The following NR3C2 variants were observed in gnomAD, a reference collection of about 807,000 sequenced individuals.
The protein encoded by NR3C2 is nuclear receptor subfamily 3 group C member 2.
NR3C2 carries 15 observed loss-of-function variants against 86.4 expected under a neutral mutation model. The observed-to-expected ratio is 0.17, with a 90% CI of 0.12 to 0.27. The LOEUF (loss-of-function observed/expected upper bound fraction) is 0.27, where lower values mean the gene tolerates loss of function less well. Among genes scored for constraint, NR3C2 ranks in the 10% least tolerant of loss-of-function variants. NR3C2 has a pLI of 1.00. For missense variants in NR3C2, 960 were observed against 1,195.6 expected (o/e 0.80, Z 2.91); for synonymous variants, 458 against 450.5 (o/e 1.02, Z -0.21).
Position 148,145,654 on chromosome 4 carries a change from C to T in NR3C2, c.2510+6815G>A, listed in dbSNP as rs922355968. On this transcript the variant is annotated intron_variant, in intron 6 of 8. Coordinates refer to ENST00000358102, the MANE Select transcript of NR3C2 (RefSeq NM_000901.5). ...AACAGTGGGGCCACAGTGAGACCGGCAGCACTTGTGCCACCTGCAGGGGGG... is the reference window on the plus strand; with the variant it reads ...AACAGTGGGGCCACAGTGAGACCGGTAGCACTTGTGCCACCTGCAGGGGGG... Among the ~76,000 whole-genome samples, 3 of 152,210 alleles carry T rather than the reference C, an allele frequency of 2.0e-5. No homozygotes were observed. In the South Asian group the frequency reaches 6.2e-4, roughly 32 times the overall value.
intron 2 of NR3C2, among the ~76,000 whole-genome samples, chr4:148,377,610 G>A (rs139306691): frequency 6.6e-6 from 1 of 152,232 alleles, no homozygotes; most frequent in East Asian, 1.9e-4. Flanking sequence ...TTGAGGTAGT[G>A]TCCTATATCA....
chr4:148,186,653 C>T (rs140324045), intron 4 of NR3C2, among the ~76,000 whole-genome samples: 89 of 151,974 alleles, frequency 5.9e-4, no homozygotes, highest in African/African-American at 2.0e-3. Context: ...CAGGTGGTAT[C>T]TGGTTACATG....
chr4:148,292,329 T>TA (rs1257256118), intron 2 of NR3C2, among the ~76,000 whole-genome samples: 1 of 152,070 alleles, frequency 6.6e-6, no homozygotes, highest in East Asian at 1.9e-4. Flanking sequence ...ATTTACCTCT[T>TA]ACGCTTTCTT....
chr4:148,357,489 T>A (rs2149999394), intron 2 of NR3C2, among the ~76,000 whole-genome samples: 1 of 152,242 alleles, frequency 6.6e-6, no homozygotes, highest in Non-Finnish European at 1.5e-5. Context: ...TTTAATATGG[T>A]AAATATAACA....
chr4:148,250,497 C>T (rs895750345), intron 3 of NR3C2, among the ~76,000 whole-genome samples: 1 of 152,162 alleles, frequency 6.6e-6, no homozygotes, highest in Non-Finnish European at 1.5e-5. Flanking sequence ...GGCCCAACAC[C>T]TTCCCCAGGC....
intron 1 of NR3C2, among the ~76,000 whole-genome samples, 180 bp downstream of exon 1, chr4:148,441,980 G>T (rs1333966982): frequency 6.6e-6 from 1 of 152,216 alleles, no homozygotes; most frequent in Non-Finnish European, 1.5e-5. Flanking sequence ...TCCCAAAATA[G>T]TCCTCTGGCG....
chr4:148,193,100 G>C (rs539047647), intron 4 of NR3C2, among the ~76,000 whole-genome samples: 37 of 152,328 alleles, frequency 2.4e-4, no homozygotes, highest in African/African-American at 8.2e-4. Flanking sequence ...ATGGATCCCT[G>C]TGGTGTCAGG....
chr4:148,406,317 G>A (rs1310241587), intron 2 of NR3C2, among the ~76,000 whole-genome samples: 1 of 152,154 alleles, frequency 6.6e-6, no homozygotes, highest in Non-Finnish European at 1.5e-5. Flanking sequence ...CATTTTGATG[G>A]AGAAATATGA....
At chr4:148,361,234 A>G (rs1336630878) in intron 2 of NR3C2, among the ~76,000 whole-genome samples, 1 of 152,250 alleles carries the variant, frequency 6.6e-6, no homozygotes, top group East Asian at 1.9e-4. Flanking sequence ...CTCTAAATTG[A>G]CAGCCCACAT....
chr4:148,393,490 T>C (rs1166010776), intron 2 of NR3C2, among the ~76,000 whole-genome samples: 1 of 152,182 alleles, frequency 6.6e-6, no homozygotes, highest in African/African-American at 2.4e-5. Context: ...GGGGCTCAGA[T>C]ACCTTGGGAG....
At chr4:148,289,088 G>A (rs1741673179) in intron 2 of NR3C2, among the ~76,000 whole-genome samples, 1 of 152,018 alleles carries the variant, frequency 6.6e-6, no homozygotes, top group East Asian at 1.9e-4. Flanking sequence ...GCTATTAAAA[G>A]GCGTTTTTGA....
At chr4:148,126,977 C>A (rs1732777865) in intron 6 of NR3C2, among the ~76,000 whole-genome samples, 1 of 152,072 alleles carries the variant, frequency 6.6e-6, no homozygotes, top group African/African-American at 2.4e-5. Context: ...ATTTTTGGCC[C>A]TTTTTTCCAG....
chr4:148,248,719 A>G (rs1314757492), intron 3 of NR3C2, among the ~76,000 whole-genome samples: 1 of 152,162 alleles, frequency 6.6e-6, no homozygotes, highest in Non-Finnish European at 1.5e-5. Flanking sequence ...CTAAAGTAAC[A>G]TATGTTTTTC....
chr4:148,205,112 C>A (rs894902720), intron 3 of NR3C2, among the ~76,000 whole-genome samples: 1 of 152,180 alleles, frequency 6.6e-6, no homozygotes, highest in Non-Finnish European at 1.5e-5. Context: ...TATTTGCCAT[C>A]TCAGGCATAG....
At chr4:148,149,168 G>A (rs1241173383) in intron 6 of NR3C2, among the ~76,000 whole-genome samples, 5 of 152,164 alleles carry the variant, frequency 3.3e-5, no homozygotes, top group Admixed American at 6.5e-5. Flanking sequence ...CCCTACAGAA[G>A]TCTGGGTTGG....
rs1459052428 is a variant in NR3C2 at position 148,152,631 on chromosome 4, TAATCACAGA to T, written c.2366-27_2366-19del. The T allele has an allele frequency of 1.2e-6, 2 of 1,612,598 alleles. No individual in the cohort carries two copies. Among genetic ancestry groups the T allele is most frequent in the African/African-American group, 2.7e-5 (2 of 74,890 alleles). ...TTTAAATCCTGAAGAACAAAACAAT[TAATCACAGA>T]AATACACTTAGCATTTAAGTACATT... On this transcript the variant is annotated intron_variant, in intron 5 of 8. Coordinates refer to ENST00000358102, the MANE Select transcript of NR3C2 (RefSeq NM_000901.5).
chr4:148,153,268 C>T (rs1734189199), intron 5 of NR3C2, among the ~76,000 whole-genome samples: 1 of 152,136 alleles, frequency 6.6e-6, no homozygotes, highest in African/African-American at 2.4e-5. Flanking sequence ...TCACTGCATC[C>T]CAGGTTTCAA....
At chr4:148,366,142 T>G (rs1364443508) in intron 2 of NR3C2, among the ~76,000 whole-genome samples, 1 of 152,128 alleles carries the variant, frequency 6.6e-6, no homozygotes, top group Non-Finnish European at 1.5e-5. Flanking sequence ...AAACACCTAA[T>G]CTGTTGAAAA....
chr4:148,323,238 T>A (rs561545040), intron 2 of NR3C2, among the ~76,000 whole-genome samples: 164 of 140,122 alleles, frequency 1.2e-3, no homozygotes, highest in African/African-American at 4.2e-3. Flanking sequence ...CTGCCCGTTC[T>A]CAGATCTCCA....
Sources: allele counts gnomAD v4.1 joint callset (sites outside exome capture counted in the v4.1 genomes callset), GRCh38; gene constraint gnomAD v4.1.1; transcripts MANE v1.5; gene names NCBI Gene and HGNC (gene_info 2026-07-23, HGNC 2026-07-21).